The following EPN1 variants were observed in gnomAD, a reference collection of about 807,000 sequenced individuals.
EPN1 encodes epsin 1.
EPN1 carries 25 observed loss-of-function variants against 56.9 expected under a neutral mutation model. That is an observed-to-expected ratio of 0.44 (90% CI 0.32 to 0.61). The LOEUF is 0.61. Ranked by LOEUF, EPN1 falls within the 20% of genes least tolerant of loss-of-function variation. The probability of loss-of-function intolerance (pLI) is 0.05; values close to 1 mark genes in which losing one functional copy is unlikely to be tolerated. For synonymous variants in EPN1, 411 were observed against 361.8 expected (o/e 1.14, Z -1.54); for missense variants, 785 against 823.7 (o/e 0.95, Z 0.58).
chr19:55,677,361 G>A, intron 1 of EPN1: 1 of 700,452 alleles, frequency 1.4e-6, no homozygotes, highest in Non-Finnish European at 2.6e-6. Flanking sequence ...TGGGATAAGA[G>A]CAGTGCGAGT....
chr19:55,681,283 T>C (rs1985802860), intron 2 of EPN1, among the ~76,000 whole-genome samples: 1 of 152,234 alleles, frequency 6.6e-6, no homozygotes, highest in South Asian at 2.1e-4. Flanking sequence ...AATCCACGGT[T>C]ACCCTGTAAA....
At position 55,686,638 on chromosome 19, in the gene EPN1, G is replaced by A. The variant is rs551380216; in HGVS notation, c.478+993G>A. On this transcript the variant is annotated intron_variant, in intron 3 of 10. Transcript: ENST00000270460. ...GACATGGGTGTGACGGGGTGTGTGC[G>A]ACCCTGCCTGGGACTCCAGAGTAGG... 1.9e-4 allele frequency among the ~76,000 whole-genome samples: 29 copies of A among 152,184 alleles called. 1 individual carries two copies. In the South Asian group the frequency reaches 3.1e-3, roughly 16 times the overall value.
chr19:55,692,020 G>T lies in EPN1; in HGVS notation c.1029G>T (p.Gly343=). Residue 343 remains glycine, a synonymous_variant, in exon 7 of 11, where the codon GGG becomes GGT. Coordinates refer to ENST00000270460, the MANE Select transcript of EPN1 (RefSeq NM_001130072.2). ...PWGGTPAPAA[G]EGPTPDPWGS... ...GTGGGACCCCAGCCCCTGCAGCTGG[G>T]GAGGGGCCCACGCCTGATCCATGGG... 4.7e-6 allele frequency: 7 copies of T among 1,474,000 alleles called. No homozygotes were observed. Among genetic ancestry groups the T allele is most frequent in the Non-Finnish European group, 6.2e-6 (7 of 1,120,080 alleles). The allele number at this position is 1,474,000 out of a possible 1,614,324, so 91.3% of individuals were successfully genotyped here.
chr19:55,689,467 C>A lies in EPN1; in HGVS notation c.678+96C>A. 1.1e-6 allele frequency: 1 copy of A among 935,282 alleles called. No homozygotes were observed. Among genetic ancestry groups the A allele is most frequent in the Non-Finnish European group, 1.7e-6 (1 of 596,142 alleles). The allele number at this position is 935,282 out of a possible 1,614,324, so 57.9% of individuals were successfully genotyped here. A position where few individuals can be genotyped will look rare whatever the true frequency, so the allele number is the denominator to read the frequency against. ...AGTCACCCCCCACCATCCTGCTGGG[C>A]CCGAAGCCCACAGGCTCACGCGTGT... On this transcript the variant is annotated intron_variant, in intron 5 of 10. Transcript: ENST00000270460. This position sits in a 1 kb window ranked among gnomAD's most constrained non-coding sequence, Gnocchi z 5.7.
Position 55,703,654 on chromosome 19 carries a change from C to T in EPN1, c.*8298C>T, listed in dbSNP as rs550960032. 3 of 152,380 alleles carry T rather than the reference C, an allele frequency of 2.0e-5. No homozygotes were observed. The highest frequency in any genetic ancestry group is 7.2e-5 in the African/African-American group (3 of 41,564). The allele number at this position is 152,380 out of a possible 1,614,324, so 9.4% of individuals were successfully genotyped here. ...TCCTCACTTTTTCGCAGATTGGTCA[C>T]TAGCAGGGCGTCTGATGGAACTTTC... On this transcript the variant is annotated 3_prime_UTR_variant, in exon 11 of 11. Coordinates refer to ENST00000270460, the MANE Select transcript of EPN1 (RefSeq NM_001130072.2).
rs1232426065 is a variant in EPN1, at chr19:55,709,035, T to C, written c.*13679T>C. On this transcript the variant is annotated 3_prime_UTR_variant, in exon 11 of 11. Coordinates refer to ENST00000270460, the MANE Select transcript of EPN1 (RefSeq NM_001130072.2). ...TCTGAGTTTCTTCATCAAAGCCAGA[T>C]TTGTGCAGCCTGGGAAAATAGAAAT... 1.3e-6 allele frequency: 2 copies of C among 1,573,288 alleles called. No individual in the cohort carries two copies. Among genetic ancestry groups the C allele is most frequent in the East Asian group, 2.3e-5 (1 of 42,926 alleles).
In EPN1 at chr19:55,689,258, G is replaced by T. The variant is rs915757981; in HGVS notation, c.604-39G>T. Reference sequence around the variant, plus strand: ...GGCTCTGCCTCTGACTCTGCCTCTGGCCCCTCCCGTCATGCCCCTCACACT... The same window carrying T: ...GGCTCTGCCTCTGACTCTGCCTCTGTCCCCTCCCGTCATGCCCCTCACACT... On this transcript the variant is annotated intron_variant, in intron 4 of 10. Coordinates refer to ENST00000270460, the MANE Select transcript of EPN1 (RefSeq NM_001130072.2). This position sits in a 1 kb window ranked among gnomAD's most constrained non-coding sequence, Gnocchi z 5.7. 7.0e-7 allele frequency: 1 copy of T among 1,432,014 alleles called. No individual in the cohort carries two copies. Among genetic ancestry groups the T allele is most frequent in the Non-Finnish European group, 9.6e-7 (1 of 1,038,760 alleles). The allele number at this position is 1,432,014 out of a possible 1,614,324, so 88.7% of individuals were successfully genotyped here.
At position 55,704,559 on chromosome 19, in the gene EPN1, C is replaced by G. The variant is rs767121191; in HGVS notation, c.*9203C>G. ...CTGGTTTCCAGAACTGTGAGAAAAT[C>G]CATTGACGTTCTATAGCGCTCCCAG... On this transcript the variant is annotated 3_prime_UTR_variant, in exon 11 of 11. Transcript: ENST00000270460. The G allele has an allele frequency of 1.7e-4, 26 of 152,298 alleles. No homozygotes were observed. Among genetic ancestry groups the G allele is most frequent in the Middle Eastern group, 3.4e-3 (1 of 296 alleles). The allele number at this position is 152,298 out of a possible 1,614,324, so 9.4% of individuals were successfully genotyped here. A position where few individuals can be genotyped will look rare whatever the true frequency, so the allele number is the denominator to read the frequency against.
chr19:55,686,516 G>A (rs540750717), intron 3 of EPN1, among the ~76,000 whole-genome samples: 9 of 152,188 alleles, frequency 5.9e-5, no homozygotes, highest in Non-Finnish European at 1.2e-4. Context: ...TGTGGCCCTC[G>A]TGGGGTCCGG....
chr19:55,685,726 C>T, intron 3 of EPN1, 81 bp downstream of exon 3: 1 of 1,501,526 alleles, frequency 6.7e-7, no homozygotes, highest in Non-Finnish European at 8.9e-7. Context: ...CCGCCCACTG[C>T]TTTCTCTCCC....
intron 3 of EPN1, among the ~76,000 whole-genome samples, chr19:55,686,197 T>A (rs1230073611): frequency 1.3e-5 from 2 of 152,170 alleles, no homozygotes; most frequent in Non-Finnish European, 2.9e-5. Flanking sequence ...CTTGAAATAG[T>A]GCATCCCACA....
rs1249996965 is a variant in EPN1 at position 55,705,523 on chromosome 19, C to G, written c.*10167C>G. On this transcript the variant is annotated 3_prime_UTR_variant, in exon 11 of 11. Transcript: ENST00000270460. ...AATTAGTCATGCATAGTGGCATGCA[C>G]CTGTAGTCCCAGCTACTCGGGATGC... is the stretch of plus-strand genomic sequence containing the variant. The G allele has an allele frequency of 1.3e-5, 2 of 152,120 alleles. No individual in the cohort carries two copies. The highest frequency in any genetic ancestry group is 3.9e-4 in the East Asian group (2 of 5,186). The allele number at this position is 152,120 out of a possible 1,614,324, so 9.4% of individuals were successfully genotyped here.
rs149357970 is a variant in EPN1 at position 55,708,308 on chromosome 19, G to C, written c.*12952G>C. The stretch of plus-strand genomic sequence containing the variant: ...CAGCAATTTACCGTAGGGAACTAGG[G>C]AATGTTTAATTATGACAATGAAGTG... On this transcript the variant is annotated 3_prime_UTR_variant, in exon 11 of 11. Coordinates refer to ENST00000270460, the MANE Select transcript of EPN1 (RefSeq NM_001130072.2). The C allele has an allele frequency of 6.6e-6, 1 of 152,310 alleles. No homozygotes were observed. The highest frequency in any genetic ancestry group is 1.9e-4 in the East Asian group (1 of 5,192). The allele number at this position is 152,310 out of a possible 1,614,324, so 9.4% of individuals were successfully genotyped here.
intron 2 of EPN1, 79 bp from the exon 3 acceptor site, chr19:55,685,317 C>T: frequency 6.5e-7 from 1 of 1,532,956 alleles, no homozygotes; most frequent in Non-Finnish European, 8.8e-7. Context: ...GTCGGCCGCC[C>T]CAGAGCCCGC....
At chr19:55,685,366 C>G in intron 2 of EPN1, 30 bp from the exon 3 acceptor site, 1 of 1,599,496 alleles carries the variant, frequency 6.3e-7, no homozygotes, top group South Asian at 1.1e-5. Flanking sequence ...GCCCGGCGTG[C>G]TGACCGGGCA....
rs936158791 is a variant in EPN1, at chr19:55,707,814, C to T, written c.*12458C>T. ...CCCCCACACAATGGTGTCTTTTGTCCTATGGAAACCCTTGTCCAGTCTTGA... is the reference window on the plus strand; with the variant it reads ...CCCCCACACAATGGTGTCTTTTGTCTTATGGAAACCCTTGTCCAGTCTTGA... On this transcript the variant is annotated 3_prime_UTR_variant, in exon 11 of 11. Transcript: ENST00000270460. The T allele has an allele frequency of 6.5e-6, 1 of 154,436 alleles. No homozygotes were observed. Among genetic ancestry groups the T allele is most frequent in the Admixed American group, 6.5e-5 (1 of 15,286 alleles). The allele number at this position is 154,436 out of a possible 1,614,324, so 9.6% of individuals were successfully genotyped here. A position where few individuals can be genotyped will look rare whatever the true frequency, so the allele number is the denominator to read the frequency against.
chr19:55,677,754 C>G lies in EPN1; in HGVS notation c.-101-773C>G, dbSNP rs747647038. On this transcript the variant is annotated intron_variant, in intron 1 of 10. Coordinates refer to ENST00000270460, the MANE Select transcript of EPN1 (RefSeq NM_001130072.2). The stretch of plus-strand genomic sequence containing the variant: ...CCCTGGGTTGGTTCCCTGCTCCTGC[C>G]TCTGTCTTTAATCCCTTCATCAGCC... 5 of 1,522,490 alleles carry G rather than the reference C, an allele frequency of 3.3e-6. No homozygotes were observed. In the African/African-American group the frequency reaches 4.2e-5, roughly 13 times the overall value. The allele number at this position is 1,522,490 out of a possible 1,614,324, so 94.3% of individuals were successfully genotyped here. A position where few individuals can be genotyped will look rare whatever the true frequency, so the allele number is the denominator to read the frequency against.
intron 7 of EPN1, 65 bp from the exon 8 acceptor site, chr19:55,692,620 TG>T: frequency 9.2e-7 from 1 of 1,086,646 alleles, no homozygotes; most frequent in Non-Finnish European, 1.3e-6. Context: ...TTGGAGGCAA[TG>T]GTCCTCCCTA....
In EPN1 at chr19:55,678,546, C is replaced by G; in HGVS notation, c.-82C>G. 6.5e-7 allele frequency: 1 copy of G among 1,546,050 alleles called. No individual in the cohort carries two copies. On this transcript the variant is annotated 5_prime_UTR_variant, in exon 2 of 11. Coordinates refer to ENST00000270460, the MANE Select transcript of EPN1 (RefSeq NM_001130072.2). ...TCGCAGATGCGGTGACCTGCCAGCA[C>G]CTGCCGCAGCCTTCGTCCGGGAGTC...
Sources: allele counts gnomAD v4.1 joint callset (sites outside exome capture counted in the v4.1 genomes callset), GRCh38; gene constraint gnomAD v4.1.1; non-coding constraint Gnocchi (gnomAD v3.1); transcripts MANE v1.5; gene names NCBI Gene and HGNC (gene_info 2026-07-23, HGNC 2026-07-21).